The following DTWD2 variants were observed in gnomAD, a reference collection of about 807,000 sequenced individuals.
DTWD2 encodes the protein tRNA-uridine aminocarboxypropyltransferase 2.
DTWD2 carries 39 observed loss-of-function variants against 31.8 expected under a neutral mutation model. The ratio of observed to expected loss-of-function variants is 1.22; its 90% CI spans 0.95 to 1.60. The LOEUF is 1.60. Ranked by LOEUF, DTWD2 falls within the 40% of genes most tolerant of loss-of-function variation. The pLI is 0.00. For synonymous variants in DTWD2, 180 were observed against 142.8 expected, an observed-to-expected ratio of 1.26 and a Z score of -1.86; for missense variants, 515 against 381.5, an observed-to-expected ratio of 1.35 and a Z score of -2.92.
At chr5:118,975,772 C>A (rs936127858) in intron 1 of DTWD2, among the ~76,000 whole-genome samples, 2 of 152,168 alleles carry the variant, frequency 1.3e-5, no homozygotes, top group Non-Finnish European at 2.9e-5. Flanking sequence ...ACCATCAATA[C>A]TGGACCGATC....
intron 1 of DTWD2, among the ~76,000 whole-genome samples, chr5:118,945,255 T>C (rs1294446878): frequency 6.6e-6 from 1 of 152,152 alleles, no homozygotes; most frequent in Admixed American, 6.5e-5. Context: ...TTTACTTACA[T>C]TTTAGTGCTT....
At chr5:118,857,396 G>A (rs188217475) in intron 4 of DTWD2, among the ~76,000 whole-genome samples, 53 of 152,210 alleles carry the variant, frequency 3.5e-4, no homozygotes, top group African/African-American at 1.1e-3. Context: ...TATGTTGGGG[G>A]TTTTTTGCAG....
chr5:118,865,092 TC>T (rs1752354288), intron 4 of DTWD2, among the ~76,000 whole-genome samples: 1 of 152,168 alleles, frequency 6.6e-6, no homozygotes, highest in Non-Finnish European at 1.5e-5. Flanking sequence ...ATTATTTACT[TC>T]ATAACCTTAC....
intron 2 of DTWD2, 131 bp from the exon 3 acceptor site, chr5:118,939,421 T>A: frequency 1.3e-6 from 1 of 746,778 alleles, no homozygotes; most frequent in Non-Finnish European, 2.0e-6. Context: ...GACCACAGTT[T>A]AATAAAAAGA....
Position 118,882,503 on chromosome 5 carries a change from T to G in DTWD2, c.598-34285A>C, listed in dbSNP as rs898322239. On this transcript the variant is annotated intron_variant, in intron 4 of 5. Coordinates refer to ENST00000510708, the MANE Select transcript of DTWD2 (RefSeq NM_173666.4). Reference sequence around the variant, plus strand: ...TCTGTGTGGGGGCTCCAAACCCACATTTCCCTTCTGCACTGCCTTAGCAGA... The same window carrying G: ...TCTGTGTGGGGGCTCCAAACCCACAGTTCCCTTCTGCACTGCCTTAGCAGA... Among the ~76,000 whole-genome samples, 173 of 152,364 alleles carry G rather than the reference T, an allele frequency of 1.1e-3. 2 individuals are homozygous for G. The highest frequency in any genetic ancestry group is 1.5e-4 in the Non-Finnish European group (10 of 68,032).
chr5:118,866,534 A>AAC (rs757860166), intron 4 of DTWD2, among the ~76,000 whole-genome samples: 30 of 152,350 alleles, frequency 2.0e-4, no homozygotes, highest in South Asian at 2.1e-4. Flanking sequence ...TCTACAAGGA[A>AAC]ACACAAAAGA....
chr5:118,927,978 A>G (rs749847367), intron 4 of DTWD2, among the ~76,000 whole-genome samples: 5 of 152,138 alleles, frequency 3.3e-5, no homozygotes, highest in Non-Finnish European at 7.4e-5. Context: ...GCAATATATC[A>G]AAAATGTTTA....
At chr5:118,889,688 G>A (rs1168264938) in intron 4 of DTWD2, among the ~76,000 whole-genome samples, 14 of 151,930 alleles carry the variant, frequency 9.2e-5, no homozygotes, top group Non-Finnish European at 1.5e-4. Context: ...TGATTTTTCC[G>A]CCATGTAAAT....
chr5:118,943,416 T>G (rs528702215), intron 2 of DTWD2, among the ~76,000 whole-genome samples: 80 of 152,060 alleles, frequency 5.3e-4, no homozygotes, highest in African/African-American at 1.8e-3. Context: ...CCGGGCGTTG[T>G]GGTGGGCGCC....
intron 1 of DTWD2, among the ~76,000 whole-genome samples, chr5:118,953,877 G>A (rs1293938315): frequency 6.6e-6 from 1 of 152,162 alleles, no homozygotes; most frequent in African/African-American, 2.4e-5. Flanking sequence ...TTATGCACCT[G>A]AGTGTCTAGC....
intron 4 of DTWD2, among the ~76,000 whole-genome samples, chr5:118,898,302 G>A (rs983236515): frequency 6.6e-6 from 1 of 151,968 alleles, no homozygotes; most frequent in East Asian, 1.9e-4. Flanking sequence ...TTGCTACTGG[G>A]CAAAAACAAA....
chr5:118,885,435 C>CAAAAA (rs1752840124), intron 4 of DTWD2, among the ~76,000 whole-genome samples: 1 of 123,482 alleles, frequency 8.1e-6, no homozygotes. Context: ...CCAGCCTGGG[C>CAAAAA]GACAGAGCAA....
intron 4 of DTWD2, among the ~76,000 whole-genome samples, chr5:118,855,428 TTTTC>T (rs1323597769): frequency 1.3e-5 from 2 of 148,278 alleles, no homozygotes; most frequent in Non-Finnish European, 2.9e-5. Flanking sequence ...ATTTTATTTA[TTTTC>T]TTTATTTAGC....
chr5:118,861,108 T>C (rs553085798), intron 4 of DTWD2, among the ~76,000 whole-genome samples: 19 of 152,330 alleles, frequency 1.2e-4, no homozygotes, highest in African/African-American at 4.6e-4. Context: ...TGCCTTCACA[T>C]AGAAGGGTTC....
At position 118,840,854 on chromosome 5, in the gene DTWD2, T is replaced by A. The variant is rs540687019; in HGVS notation, c.*63A>T. The A allele has an allele frequency of 7.8e-6, 12 of 1,545,962 alleles. No homozygotes were observed. The Admixed American group carries it at 2.4e-4, about 31-fold the overall frequency. ...CAAAAACCTACAGACCTTAACTATATGAAAACTTAATTTGGTATTGTTAGA... is the reference window on the plus strand; with the variant it reads ...CAAAAACCTACAGACCTTAACTATAAGAAAACTTAATTTGGTATTGTTAGA... On this transcript the variant is annotated 3_prime_UTR_variant, in exon 6 of 6. Coordinates refer to ENST00000510708, the MANE Select transcript of DTWD2 (RefSeq NM_173666.4).
intron 4 of DTWD2, among the ~76,000 whole-genome samples, chr5:118,891,606 G>A (rs1237934437): frequency 1.3e-5 from 2 of 152,120 alleles, no homozygotes; most frequent in Non-Finnish European, 1.5e-5. Context: ...AACACCAGCA[G>A]TCTCATAACA....
At chr5:118,845,195 GA>G (rs1424724164) in intron 5 of DTWD2, among the ~76,000 whole-genome samples, 1 of 151,844 alleles carries the variant, frequency 6.6e-6, no homozygotes, top group Admixed American at 6.6e-5. Flanking sequence ...GTGAAGCAAA[GA>G]AAAGAGGAAA....
chr5:118,940,208 T>G (rs1754148655), intron 2 of DTWD2, among the ~76,000 whole-genome samples: 1 of 152,238 alleles, frequency 6.6e-6, no homozygotes, highest in Non-Finnish European at 1.5e-5. Context: ...GGAAACCATC[T>G]TTCTTGTTGC....
chr5:118,962,914 T>G (rs1754738410), intron 1 of DTWD2, among the ~76,000 whole-genome samples: 1 of 152,244 alleles, frequency 6.6e-6, no homozygotes, highest in Admixed American at 6.5e-5. Flanking sequence ...CACATTTGAC[T>G]GAGTCCACAT....
Sources: gnomAD v4.1 joint callset for allele counts (sites outside exome capture counted in the v4.1 genomes callset) on GRCh38, gnomAD v4.1.1 for gene constraint, MANE v1.5 for transcripts, NCBI Gene and HGNC (gene_info 2026-07-23, HGNC 2026-07-21) for gene names.